The following IL1RAPL1 variants were observed in gnomAD, a reference collection of about 807,000 sequenced individuals.
The protein encoded by IL1RAPL1 is interleukin 1 receptor accessory protein like 1.
IL1RAPL1 carries 3 observed loss-of-function variants against 48.4 expected under a neutral mutation model. The ratio of observed to expected loss-of-function variants is 0.06; its 90% CI spans 0.03 to 0.16. The LOEUF is 0.16. Ranked by LOEUF, IL1RAPL1 falls within the 10% of genes least tolerant of loss-of-function variation. The pLI is 1.00. For synonymous variants in IL1RAPL1, 185 were observed against 187.7 expected (o/e 0.99, Z 0.12); for missense variants, 349 against 530.6 (o/e 0.66, Z 3.36).
intron 2 of IL1RAPL1, among the ~76,000 whole-genome samples, chrX:29,270,576 T>C (rs1374369626): frequency 8.9e-6 from 1 of 111,875 alleles, no homozygotes; most frequent in African/African-American, 3.2e-5. Flanking sequence ...TGAAAATCAG[T>C]GGCAAATATA....
intron 2 of IL1RAPL1, among the ~76,000 whole-genome samples, chrX:29,236,120 C>G (rs1233808960): frequency 8.9e-6 from 1 of 112,408 alleles, no homozygotes; most frequent in African/African-American, 3.2e-5. Flanking sequence ...GTTTGGGTTG[C>G]TATAGTCTAA....
chrX:29,032,744 C>T (rs1258036430), intron 2 of IL1RAPL1, among the ~76,000 whole-genome samples: 1 of 25,174 alleles, frequency 4.0e-5, no homozygotes, highest in Non-Finnish European at 6.6e-5. Context: ...CGTGGGCATG[C>T]ACACACACAC....
intron 6 of IL1RAPL1, among the ~76,000 whole-genome samples, chrX:29,844,732 G>A (rs1056942919): frequency 3.6e-5 from 4 of 111,803 alleles, no homozygotes; most frequent in African/African-American, 9.7e-5. Context: ...ATTTTATATC[G>A]GGGACTTGAG....
chrX:28,989,777 A>G (rs771826034), intron 2 of IL1RAPL1, among the ~76,000 whole-genome samples: 48 of 112,356 alleles, frequency 4.3e-4, no homozygotes, highest in Non-Finnish European at 7.5e-4. Context: ...GGAAATTTCC[A>G]TCATAGTATA....
At chrX:29,309,186 A>G (rs1479442324) in intron 3 of IL1RAPL1, among the ~76,000 whole-genome samples, 1 of 112,280 alleles carries the variant, frequency 8.9e-6, no homozygotes, top group East Asian at 2.8e-4. Context: ...CTATTGTAAT[A>G]TCAGTTAAGA....
intron 1 of IL1RAPL1, among the ~76,000 whole-genome samples, chrX:28,737,807 C>T (rs754402896): frequency 2.8e-4 from 31 of 111,960 alleles, no homozygotes; most frequent in Non-Finnish European, 4.3e-4. Flanking sequence ...CATTATAAAA[C>T]AATTCATCCA....
chrX:28,891,355 A>T (rs1287393226), intron 2 of IL1RAPL1, among the ~76,000 whole-genome samples: 1 of 112,034 alleles, frequency 8.9e-6, no homozygotes, highest in Non-Finnish European at 1.9e-5. Context: ...GACCCATTTA[A>T]ATTGTATAAT....
chrX:28,806,113 A>G (rs1402955903), intron 2 of IL1RAPL1, among the ~76,000 whole-genome samples: 1 of 111,773 alleles, frequency 8.9e-6, no homozygotes, highest in Non-Finnish European at 1.9e-5. Flanking sequence ...TATTTGACCA[A>G]TTGTTATATA....
At chrX:29,787,802 A>T (rs1035336825) in intron 6 of IL1RAPL1, among the ~76,000 whole-genome samples, 1 of 112,200 alleles carries the variant, frequency 8.9e-6, no homozygotes, top group Non-Finnish European at 1.9e-5. Flanking sequence ...GTTTTTAGTT[A>T]CCACATGTCA....
At chrX:29,595,531 A>T (rs942578727) in intron 5 of IL1RAPL1, among the ~76,000 whole-genome samples, 2 of 111,970 alleles carry the variant, frequency 1.8e-5, no homozygotes, top group Non-Finnish European at 3.8e-5. Flanking sequence ...GGCCATTTAT[A>T]TATCTTCTTT....
chrX:29,311,390 C>G (rs144937713), intron 3 of IL1RAPL1, among the ~76,000 whole-genome samples: 5,152 of 111,748 alleles, frequency 0.046, 147 homozygotes, highest in Non-Finnish European at 0.071. Context: ...TCTACCAGGG[C>G]TTTCCAAAGA....
At chrX:28,720,582 TA>T (rs1265614630) in intron 1 of IL1RAPL1, among the ~76,000 whole-genome samples, 8 of 112,426 alleles carry the variant, frequency 7.1e-5, no homozygotes, top group Non-Finnish European at 1.3e-4. Context: ...TTGACCCATA[TA>T]AAAATACAAA....
chrX:29,171,330 C>T (rs764623890), intron 2 of IL1RAPL1, among the ~76,000 whole-genome samples: 33 of 111,659 alleles, frequency 3.0e-4, no homozygotes, highest in African/African-American at 1.0e-3. Context: ...TGAAAGGGCA[C>T]AGACACCAGA....
intron 2 of IL1RAPL1, among the ~76,000 whole-genome samples, chrX:29,174,031 C>T (rs974351082): frequency 5.4e-5 from 6 of 110,379 alleles, no homozygotes; most frequent in Non-Finnish European, 7.6e-5. Flanking sequence ...AGGGATTCTC[C>T]TGCCTCAGCC....
chrX:29,881,527 CTCTT>C (rs1932032564), intron 6 of IL1RAPL1, among the ~76,000 whole-genome samples: 1 of 110,741 alleles, frequency 9.0e-6, no homozygotes, highest in South Asian at 3.8e-4. Flanking sequence ...TATTCTCCTT[CTCTT>C]TATTTTTAAT....
intron 5 of IL1RAPL1, among the ~76,000 whole-genome samples, chrX:29,421,316 C>T (rs921392832): frequency 4.5e-5 from 5 of 110,605 alleles, no homozygotes; most frequent in Non-Finnish European, 7.6e-5. Context: ...CCTCACCAAA[C>T]GAATCCCAGG....
intron 3 of IL1RAPL1, among the ~76,000 whole-genome samples, chrX:29,317,135 C>T (rs933019425): frequency 2.7e-5 from 3 of 111,464 alleles, no homozygotes. Flanking sequence ...TTCTAGAAGT[C>T]CTTCAGTTCT....
At chrX:28,714,231 C>A (rs1439841845) in intron 1 of IL1RAPL1, among the ~76,000 whole-genome samples, 1 of 111,698 alleles carries the variant, frequency 9.0e-6, no homozygotes, top group Non-Finnish European at 1.9e-5. Context: ...ATTTTTCCAA[C>A]TTACACCTTG....
intron 2 of IL1RAPL1, among the ~76,000 whole-genome samples, chrX:29,229,080 A>C (rs924238210): frequency 1.8e-5 from 2 of 111,984 alleles, no homozygotes; most frequent in Non-Finnish European, 3.8e-5. Flanking sequence ...CATGAGTTTG[A>C]GGCAGAATGA....
Sources: gnomAD v4.1 joint callset for allele counts (sites outside exome capture counted in the v4.1 genomes callset) on GRCh38, gnomAD v4.1.1 for gene constraint, MANE v1.5 for transcripts, NCBI Gene and HGNC (gene_info 2026-07-23, HGNC 2026-07-21) for gene names.